Variants in LPIN1 observed in about 807,000 individuals in gnomAD.
LPIN1 encodes phosphatidate phosphatase LPIN1.
In LPIN1, 71 loss-of-function variants were observed where a neutral mutation model predicts 107.5. That is an observed-to-expected ratio of 0.66 (90% CI 0.55 to 0.80). The LOEUF (loss-of-function observed/expected upper bound fraction) is 0.80. Among genes scored for constraint, LPIN1 ranks in the 30% least tolerant of loss-of-function variants. The pLI is 0.00. For missense variants in LPIN1, 1,043 were observed against 1,160.6 expected, an observed-to-expected ratio of 0.90 and a Z score of 1.47; for synonymous variants, 445 against 452.6, an observed-to-expected ratio of 0.98 and a Z score of 0.21.
At chr2:11,819,942 C>T (rs1348873532) in intron 19 of LPIN1, among the ~76,000 whole-genome samples, 1 of 152,138 alleles carries the variant, frequency 6.6e-6, no homozygotes, top group Non-Finnish European at 1.5e-5. Flanking sequence ...ACCATAATGG[C>T]GAATTCAGCA....
At chr2:11,787,398 C>CTTTTTTTTTTTTT (rs1205272301) in intron 11 of LPIN1, among the ~76,000 whole-genome samples, 35 of 64,550 alleles carry the variant, frequency 5.4e-4, no homozygotes, top group South Asian at 9.5e-4. Flanking sequence ...TTTTCTTTTT[C>CTTTTTTTTTTTTT]TTTTTTTTTT....
chr2:11,802,792 G>C, intron 14 of LPIN1, 115 bp from the exon 15 acceptor site: 2 of 1,237,456 alleles, frequency 1.6e-6, no homozygotes, highest in Non-Finnish European at 1.2e-6. Context: ...GACCACCCGA[G>C]AGACGGGACT....
Position 11,771,588 on chromosome 2 carries a change from A to C in LPIN1, c.505A>C (p.Arg169=). Residue 169 remains arginine (R), a synonymous_variant, in exon 4 of 21, where the codon AGA becomes CGA. Transcript: ENST00000674199. This position sits in a 1 kb window ranked among gnomAD's most constrained non-coding sequence, Gnocchi z 4.8. The part of the protein sequence containing the change: ...RRKSQLDSLK[R]DDNMNTSEDE... ...AAAGTCACAGCTGGACAGCCTGAAG[A>C]GAGATGACAACATGAACACATCTGA... The C allele has an allele frequency of 6.2e-7, 1 of 1,613,032 alleles. No individual in the cohort carries two copies. Among genetic ancestry groups the C allele is most frequent in the Non-Finnish European group, 8.5e-7 (1 of 1,179,498 alleles).
At chr2:11,823,827 T>C (rs1300592347) in intron 20 of LPIN1, among the ~76,000 whole-genome samples, 6 of 152,126 alleles carry the variant, frequency 3.9e-5, no homozygotes, top group Non-Finnish European at 5.9e-5. Flanking sequence ...AAGAGAACGT[T>C]GTAGGAAGCA....
chr2:11,795,139 G>A (rs1045620460), intron 13 of LPIN1, among the ~76,000 whole-genome samples: 3 of 152,206 alleles, frequency 2.0e-5, no homozygotes, highest in East Asian at 3.8e-4. Flanking sequence ...ATGGAGTTTG[G>A]TTTGGTGCCA....
At chr2:11,758,261 G>GT (rs372273564) in intron 1 of LPIN1, among the ~76,000 whole-genome samples, 8,845 of 146,978 alleles carry the variant, frequency 0.06, 578 homozygotes, top group African/African-American at 0.17. Flanking sequence ...CCTGCTTTCA[G>GT]TTTTTTTTTT....
At chr2:11,796,259 G>A (rs908608017) in intron 14 of LPIN1, among the ~76,000 whole-genome samples, 4 of 152,204 alleles carry the variant, frequency 2.6e-5, no homozygotes, top group Non-Finnish European at 5.9e-5. Context: ...GGAGGCCACT[G>A]CCCCACAGAG....
Position 11,714,913 on chromosome 2 carries a change from G to A in LPIN1, c.138+1101G>A, listed in dbSNP as rs549156794. Among the ~76,000 whole-genome samples the A allele has an allele frequency of 1.4e-3, 208 of 152,346 alleles. 1 individual carries two copies. Among genetic ancestry groups the A allele is most frequent in the Admixed American group, 4.6e-3 (71 of 15,310 alleles). On this transcript the variant is annotated intron_variant, in intron 2 of 21. Coordinates refer to the LPIN1 transcript ENST00000449576. The stretch of plus-strand genomic sequence containing the variant: ...CCGCAGGCAGAGTGAGAGGTTCGTC[G>A]TTGAGACGAATCCAGAGGCGTCAGT...
intron 1 of LPIN1, among the ~76,000 whole-genome samples, chr2:11,733,756 T>G (rs1367894968): frequency 1.3e-5 from 2 of 152,216 alleles, no homozygotes; most frequent in Non-Finnish European, 2.9e-5. Context: ...CCTCCCAAAG[T>G]GCTGGGATTA....
rs181539792 is a variant in LPIN1, at chr2:11,726,379, C to T, written c.-72+1840C>T. 2.2e-4 allele frequency among the ~76,000 whole-genome samples: 34 copies of T among 152,244 alleles called. No individual in the cohort carries two copies. In the East Asian group the frequency reaches 4.4e-3, roughly 20 times the overall value. ...ACAAACCCATAGGGCTGTGTGATAA[C>T]CTGCAAGTGAATCCTAAACACGTTT... On this transcript the variant is annotated intron_variant, in intron 1 of 21. Coordinates refer to the LPIN1 transcript ENST00000396097.
In LPIN1 at chr2:11,763,727, TAG is replaced by T. The variant is rs1377902296; in HGVS notation, c.-9-1805_-9-1804del. Among the ~76,000 whole-genome samples the T allele has an allele frequency of 3.8e-4, 58 of 152,114 alleles. 1 individual carries two copies. The highest frequency in any genetic ancestry group is 1.3e-3 in the African/African-American group (52 of 41,514). On this transcript the variant is annotated intron_variant, in intron 1 of 20. Coordinates refer to ENST00000674199, the MANE Select transcript of LPIN1 (RefSeq NM_001349206.2). ...CGGTTTCGCACTCTCCATTCTTCCC[TAG>T]TGCACATTCTGTGTTCTGGGTGCAG...
At chr2:11,795,521 C>T (rs982450564) in intron 14 of LPIN1, 34 bp downstream of exon 14, 1 of 1,585,880 alleles carries the variant, frequency 6.3e-7, no homozygotes, top group South Asian at 1.1e-5. Context: ...TGTTTGCAGC[C>T]CCTTTCCGCA....
intron 1 of LPIN1, among the ~76,000 whole-genome samples, chr2:11,758,565 A>G (rs76828910): frequency 0.022 from 3,376 of 152,310 alleles, 141 homozygotes; most frequent in African/African-American, 0.077. Flanking sequence ...AGGAACAGAC[A>G]AAAGACTGCC....
intron 1 of LPIN1, among the ~76,000 whole-genome samples, chr2:11,735,303 A>G (rs1245127130): frequency 6.6e-6 from 1 of 151,882 alleles, no homozygotes; most frequent in Non-Finnish European, 1.5e-5. Context: ...AAAAAAAAAA[A>G]AAAGAAAGTG....
At chr2:11,757,802 T>TA (rs1345030497) in intron 1 of LPIN1, among the ~76,000 whole-genome samples, 27 of 136,862 alleles carry the variant, frequency 2.0e-4, no homozygotes, top group Middle Eastern at 3.6e-3. Context: ...CCCCAATTCT[T>TA]AAAAAAAAAA....
At chr2:11,692,682 A>C (rs1008772015) in intron 1 of LPIN1, among the ~76,000 whole-genome samples, 1 of 152,192 alleles carries the variant, frequency 6.6e-6, no homozygotes, top group African/African-American at 2.4e-5. Flanking sequence ...TCCCAGGTAC[A>C]TGGTGCTCTG....
chr2:11,693,811 TATATATATATA>T (rs1302647803), intron 1 of LPIN1, among the ~76,000 whole-genome samples: 4 of 35,790 alleles, frequency 1.1e-4, no homozygotes, highest in Admixed American at 4.1e-4. Flanking sequence ...TATATATATA[TATATATATATA>T]TTTTTTTTTT....
chr2:11,701,358 C>T (rs1010489105), intron 1 of LPIN1, among the ~76,000 whole-genome samples: 1 of 152,182 alleles, frequency 6.6e-6, no homozygotes, highest in African/African-American at 2.4e-5. Flanking sequence ...CTGATGAACT[C>T]AGTGCCTAGC....
intron 1 of LPIN1, chr2:11,762,926 T>A (rs1670077446): frequency 1.3e-5 from 2 of 152,094 alleles, no homozygotes; most frequent in Non-Finnish European, 2.9e-5. Context: ...CCTGGGATAG[T>A]TGCCTTGAAG....
Sources: allele counts gnomAD v4.1 joint callset (sites outside exome capture counted in the v4.1 genomes callset), GRCh38; gene constraint gnomAD v4.1.1; non-coding constraint Gnocchi (gnomAD v3.1); transcripts MANE v1.5; gene names NCBI Gene and HGNC (gene_info 2026-07-23, HGNC 2026-07-21).